PABPC1: variants seen among roughly 807,000 people sequenced by gnomAD.
The protein encoded by PABPC1 is poly(A) binding protein cytoplasmic 1.
PABPC1 carries 4 observed loss-of-function variants against 74.0 expected under a neutral mutation model. The observed-to-expected ratio is 0.05, with a 90% CI of 0.03 to 0.12. PABPC1 has a LOEUF of 0.12. Ranked by LOEUF, PABPC1 falls within the 10% of genes least tolerant of loss-of-function variation. The pLI, the probability that PABPC1 is intolerant of heterozygous loss-of-function variation, is 1.00. For synonymous variants in PABPC1, 227 were observed against 264.1 expected, an observed-to-expected ratio of 0.86 and a Z score of 1.36; for missense variants, 271 against 821.1, an observed-to-expected ratio of 0.33 and a Z score of 8.19.
intron 9 of PABPC1, among the ~76,000 whole-genome samples, chr8:100,707,921 G>A (rs1421680614): frequency 1.3e-5 from 2 of 152,216 alleles, no homozygotes; most frequent in East Asian, 1.9e-4. Context: ...GGCCCTGTCT[G>A]GGCATAACAG....
chr8:100,707,326 TACC>T (rs1810406722), intron 9 of PABPC1: 1 of 278,134 alleles, frequency 3.6e-6, no homozygotes, highest in South Asian at 3.4e-5. Flanking sequence ...GGGGGACCAC[TACC>T]ACCAAGACGC....
intron 7 of PABPC1, among the ~76,000 whole-genome samples, chr8:100,711,049 TAGG>T (rs982685408): frequency 7.9e-5 from 12 of 152,102 alleles, no homozygotes; most frequent in Non-Finnish European, 1.2e-4. Flanking sequence ...CCCAACACTT[TAGG>T]AGGTCACCTG....
At chr8:100,709,296 T>C in intron 8 of PABPC1, 73 bp from the exon 9 acceptor site, 5 of 1,490,712 alleles carry the variant, frequency 3.4e-6, no homozygotes, top group Middle Eastern at 1.7e-4. Context: ...TATATGTACT[T>C]TTTCAAAACA....
chr8:100,708,736 C>T (rs1035012939), intron 9 of PABPC1, among the ~76,000 whole-genome samples: 1 of 152,044 alleles, frequency 6.6e-6, no homozygotes, highest in Admixed American at 6.6e-5. Flanking sequence ...GTTAGCTGGG[C>T]GTGGTGGCGG....
intron 3 of PABPC1, 43 bp from the exon 4 acceptor site, chr8:100,715,644 T>C: frequency 6.9e-7 from 1 of 1,451,470 alleles, no homozygotes; most frequent in South Asian, 1.3e-5. Flanking sequence ...TTCTATTTTA[T>C]AAAGTTCAGA....
At chr8:100,716,824 C>A (rs1270641077) in intron 3 of PABPC1, among the ~76,000 whole-genome samples, 1 of 152,196 alleles carries the variant, frequency 6.6e-6, no homozygotes, top group Non-Finnish European at 1.5e-5. Context: ...GGAATAAAGG[C>A]ACACTGCAGT....
At chr8:100,707,243 T>C (rs924650787) in intron 9 of PABPC1, 6 of 350,568 alleles carry the variant, frequency 1.7e-5, no homozygotes, top group Non-Finnish European at 2.7e-5. Flanking sequence ...CTTCTCCCTG[T>C]ATGCAGCGAC....
Position 100,721,415 on chromosome 8 carries a change from C to A in PABPC1, c.169G>T (p.Val57Leu). 1 of 1,570,002 alleles carries A rather than the reference C, an allele frequency of 6.4e-7. No individual in the cohort carries two copies. Among genetic ancestry groups the A allele is most frequent in the Non-Finnish European group, 8.6e-7 (1 of 1,157,418 alleles). ...CCGTCCGCCGGCTGCTGGAAGTTCACATACGCGTAGCCCAAGGAGCGGCGG... is the reference window on the plus strand; with the variant it reads ...CCGTCCGCCGGCTGCTGGAAGTTCAAATACGCGTAGCCCAAGGAGCGGCGG... ...ITRRSLGYAY[V>L]NFQQPADAER... The change falls in exon 1 of 15, where the codon GTG becomes TTG. Residue 57 changes from valine (V) to leucine (L), a missense_variant. By Grantham distance (32) the Val-to-Leu change is conservative. This residue lies in a region of PABPC1 where 47 missense variants were observed against 214.1 expected (regional missense o/e 0.22). Coordinates refer to ENST00000318607, the MANE Select transcript of PABPC1 (RefSeq NM_002568.4). This position sits in a 1 kb window ranked among gnomAD's most constrained non-coding sequence, Gnocchi z 7.4.
chr8:100,712,986 T>C, intron 5 of PABPC1, 101 bp downstream of exon 5: 2 of 1,049,072 alleles, frequency 1.9e-6, no homozygotes, highest in South Asian at 1.7e-5. Flanking sequence ...TAACTGAAAA[T>C]ATAAGAACAT....
chr8:100,709,040 T>C (rs1485092396), intron 9 of PABPC1, 93 bp downstream of exon 9: 12 of 941,274 alleles, frequency 1.3e-5, no homozygotes, highest in South Asian at 4.2e-5. Context: ...TGAAATGCAA[T>C]AGTTAACCTA....
intron 4 of PABPC1, among the ~76,000 whole-genome samples, chr8:100,715,122 TACACACACAC>T (rs56819980): frequency 6.1e-5 from 8 of 131,398 alleles, no homozygotes; most frequent in Admixed American, 1.5e-4. Context: ...GATCTCTAAT[TACACACACAC>T]ACACACACAC....
chr8:100,705,143 A>G, intron 12 of PABPC1, 87 bp from the exon 13 acceptor site: 1 of 1,049,158 alleles, frequency 9.5e-7, no homozygotes, highest in South Asian at 1.5e-5. Context: ...GGGTTTAAGA[A>G]CCATACTTCT....
intron 3 of PABPC1, among the ~76,000 whole-genome samples, chr8:100,717,226 T>C (rs957023523): frequency 2.6e-5 from 4 of 152,186 alleles, no homozygotes; most frequent in Non-Finnish European, 2.9e-5. Flanking sequence ...CAGGCTGGTC[T>C]CAAACTCCCA....
At chr8:100,720,881 T>G (rs750028980) in intron 1 of PABPC1, among the ~76,000 whole-genome samples, 2 of 152,180 alleles carry the variant, frequency 1.3e-5, no homozygotes, top group Non-Finnish European at 2.9e-5. Context: ...CCCAGGCGAC[T>G]GGGCCAGGAG....
At chr8:100,709,275 A>G (rs1222420710) in intron 8 of PABPC1, 52 bp from the exon 9 acceptor site, 1 of 1,520,912 alleles carries the variant, frequency 6.6e-7, no homozygotes, top group Non-Finnish European at 9.1e-7. Flanking sequence ...AAAGCAAATA[A>G]TGCAATAAAT....
chr8:100,708,694 G>A (rs1478717281), intron 9 of PABPC1, among the ~76,000 whole-genome samples: 1 of 151,868 alleles, frequency 6.6e-6, no homozygotes, highest in Non-Finnish European at 1.5e-5. Flanking sequence ...TGGCCAACGT[G>A]GTCAAACCCC....
chr8:100,720,475 T>C (rs768878468), intron 1 of PABPC1, among the ~76,000 whole-genome samples: 1 of 152,178 alleles, frequency 6.6e-6, no homozygotes, highest in African/African-American at 2.4e-5. Flanking sequence ...CTGGTCCAGT[T>C]GGAATTACAC....
chr8:100,711,787 T>C (rs990099801), intron 7 of PABPC1, among the ~76,000 whole-genome samples: 1 of 138,210 alleles, frequency 7.2e-6, no homozygotes, highest in Non-Finnish European at 1.5e-5. Flanking sequence ...GAGTTGTAAT[T>C]TTTTTCTATG....
intron 9 of PABPC1, 89 bp downstream of exon 9, chr8:100,709,044 T>C: frequency 1.0e-6 from 1 of 987,418 alleles, no homozygotes; most frequent in African/African-American, 1.6e-5. Flanking sequence ...ATGCAATAGT[T>C]AACCTAACAT....
Sources: allele counts gnomAD v4.1 joint callset (sites outside exome capture counted in the v4.1 genomes callset), GRCh38; gene constraint gnomAD v4.1.1; regional missense constraint gnomAD v4.1.1; non-coding constraint Gnocchi (gnomAD v3.1); transcripts MANE v1.5; gene names NCBI Gene and HGNC (gene_info 2026-07-23, HGNC 2026-07-21).